The following SLC28A3 variants were observed in gnomAD, a reference collection of about 807,000 sequenced individuals.
SLC28A3 encodes concentrative Na(+)-nucleoside cotransporter 3.
A neutral mutation model predicts 84.2 loss-of-function variants in SLC28A3; 68 were observed. That is an observed-to-expected ratio of 0.81 (90% CI 0.66 to 0.99). The LOEUF (loss-of-function observed/expected upper bound fraction) is 0.99. Among genes scored for constraint, SLC28A3 ranks in the 50% least tolerant of loss-of-function variants. The pLI is 0.00. For synonymous variants in SLC28A3, 267 were observed against 303.6 expected, an observed-to-expected ratio of 0.88 and a Z score of 1.25; for missense variants, 712 against 841.5, an observed-to-expected ratio of 0.85 and a Z score of 1.90.
the SLC28A3 span, among the ~76,000 whole-genome samples, chr9:84,354,739 C>T: frequency 2.0e-5 from 3 of 151,534 alleles, no homozygotes; most frequent in Non-Finnish European, 4.4e-5. Context: ...CCCAGCTACT[C>T]GAAAGGCTGA....
intron 3 of SLC28A3, among the ~76,000 whole-genome samples, chr9:84,307,445 A>AAG (rs1554726630): frequency 1.4e-5 from 2 of 146,376 alleles, no homozygotes; most frequent in Non-Finnish European, 3.0e-5. Context: ...AAAAAAAAAA[A>AAG]CAAAAACAAA....
intron 1 of SLC28A3, among the ~76,000 whole-genome samples, chr9:84,319,547 A>G (rs1181696316): frequency 1.3e-5 from 2 of 152,074 alleles, no homozygotes; most frequent in Non-Finnish European, 2.9e-5. Flanking sequence ...AAAAGTCACA[A>G]ATGCAGAATT....
rs577105485 is a variant in SLC28A3 at position 84,340,168 on chromosome 9, A to G, written c.60+406T>C. ...CTGCTCTGGGGCAGGTACCGGGGCCATCTGACAGGGGCTCCAGGACTTGGC... is the reference window on the plus strand; with the variant it reads ...CTGCTCTGGGGCAGGTACCGGGGCCGTCTGACAGGGGCTCCAGGACTTGGC... On this transcript the variant is annotated intron_variant, in intron 1 of 17. Transcript: ENST00000376238. Among the ~76,000 whole-genome samples, 4 of 152,272 alleles carry G rather than the reference A, an allele frequency of 2.6e-5. No individual in the cohort carries two copies. In the South Asian group the frequency reaches 6.2e-4, roughly 24 times the overall value.
At chr9:84,329,264 T>C (rs1373365937) in intron 1 of SLC28A3, among the ~76,000 whole-genome samples, 3 of 152,204 alleles carry the variant, frequency 2.0e-5, no homozygotes, top group Admixed American at 6.5e-5. Flanking sequence ...AGACAGTTCA[T>C]CAATAGCTGG....
intron 15 of SLC28A3, 77 bp downstream of exon 15, chr9:84,280,724 A>T: frequency 6.9e-7 from 1 of 1,449,132 alleles, no homozygotes; most frequent in Non-Finnish European, 9.7e-7. Context: ...TTTCTGACAT[A>T]ACAGTACAGA....
At chr9:84,297,365 A>C in intron 7 of SLC28A3, 67 bp from the exon 8 acceptor site, 3 of 1,292,988 alleles carry the variant, frequency 2.3e-6, no homozygotes, top group Non-Finnish European at 3.3e-6. Flanking sequence ...AGTGCACAGG[A>C]ATGCTAGGCT....
intron 14 of SLC28A3, 96 bp from the exon 15 acceptor site, chr9:84,280,978 T>C (rs912912178): frequency 3.0e-5 from 35 of 1,159,024 alleles, no homozygotes; most frequent in Non-Finnish European, 4.3e-5. Flanking sequence ...AAATTCAATA[T>C]TGACAAATAA....
intron 1 of SLC28A3, among the ~76,000 whole-genome samples, chr9:84,314,309 G>A (rs1826093279): frequency 6.6e-6 from 1 of 152,128 alleles, no homozygotes; most frequent in South Asian, 2.1e-4. Context: ...GCTGTTTCCA[G>A]AAGTGACAAA....
intron 11 of SLC28A3, 50 bp downstream of exon 11, chr9:84,290,104 T>C (rs1262329435): frequency 5.0e-6 from 8 of 1,591,332 alleles, no homozygotes; most frequent in African/African-American, 4.1e-5. Context: ...GAAATAACAA[T>C]AATAAAGAAA....
chr9:84,360,701 T>C, the SLC28A3 span, among the ~76,000 whole-genome samples: 1 of 150,822 alleles, frequency 6.6e-6, no homozygotes, highest in Non-Finnish European at 1.5e-5. Context: ...GAGGATTGCT[T>C]GAACTCAGGA....
Position 84,309,396 on chromosome 9 carries a change from G to A in SLC28A3, c.242+233C>T, listed in dbSNP as rs543664971. On this transcript the variant is annotated intron_variant, in intron 3 of 17. Coordinates refer to ENST00000376238, the MANE Select transcript of SLC28A3 (RefSeq NM_001199633.2). ...AAATTAGCCAGGCGTGGTGGCATGC[G>A]CCTGTAGTCCCAGCTACTCGGGAGG... Among the ~76,000 whole-genome samples, 7 of 151,610 alleles carry A rather than the reference G, an allele frequency of 4.6e-5. No homozygotes were observed. In the South Asian group the frequency reaches 6.3e-4, roughly 14 times the overall value.
At chr9:84,291,766 T>C (rs146348263) in intron 10 of SLC28A3, among the ~76,000 whole-genome samples, 4 of 152,344 alleles carry the variant, frequency 2.6e-5, no homozygotes, top group African/African-American at 9.6e-5. Flanking sequence ...TGATTTTTGC[T>C]TCAAATTCAG....
chr9:84,285,936 A>T lies in SLC28A3; in HGVS notation c.1449+7T>A. Reference sequence around the variant, plus strand: ...AAACAGAGGGCAGGGGCGTGATGTGATTATACCTCAAAACTCAGCTGTGGG... The same window carrying T: ...AAACAGAGGGCAGGGGCGTGATGTGTTTATACCTCAAAACTCAGCTGTGGG... On this transcript the variant is annotated splice_region_variant and intron_variant, in intron 13 of 17. Coordinates refer to ENST00000376238, the MANE Select transcript of SLC28A3 (RefSeq NM_001199633.2). 1 of 1,612,282 alleles carries T rather than the reference A, an allele frequency of 6.2e-7. No individual in the cohort carries two copies. Among genetic ancestry groups the T allele is most frequent in the Non-Finnish European group, 8.5e-7 (1 of 1,178,922 alleles).
At chr9:84,336,786 C>T (rs1292382421) in intron 1 of SLC28A3, among the ~76,000 whole-genome samples, 2 of 152,222 alleles carry the variant, frequency 1.3e-5, no homozygotes, top group African/African-American at 4.8e-5. Context: ...TTTCCCTATA[C>T]CGTGTTCCCT....
chr9:84,339,613 T>C (rs1827090946), intron 1 of SLC28A3, among the ~76,000 whole-genome samples: 1 of 152,160 alleles, frequency 6.6e-6, no homozygotes, highest in African/African-American at 2.4e-5. Context: ...CTGTTTTATG[T>C]TGGTTTAATT....
intron 14 of SLC28A3, among the ~76,000 whole-genome samples, chr9:84,282,234 G>A (rs954754684): frequency 1.3e-5 from 2 of 151,874 alleles, no homozygotes; most frequent in African/African-American, 2.4e-5. Context: ...CTAGGTCTTC[G>A]GATGGGGATG....
upstream of SLC28A3, among the ~76,000 whole-genome samples, chr9:84,342,310 A>T (rs1338600050): frequency 6.6e-6 from 1 of 151,970 alleles, no homozygotes; most frequent in Non-Finnish European, 1.5e-5. Context: ...ACCTAAAGGA[A>T]AAAACGGAGA....
chr9:84,280,728 G>T, intron 15 of SLC28A3, 73 bp downstream of exon 15: 1 of 1,487,950 alleles, frequency 6.7e-7, no homozygotes, highest in Non-Finnish European at 9.3e-7. Flanking sequence ...TGACATAACA[G>T]TACAGAGCAA....
the SLC28A3 span, among the ~76,000 whole-genome samples, chr9:84,351,894 A>C: frequency 9.2e-5 from 14 of 151,752 alleles, no homozygotes; most frequent in East Asian, 1.9e-4. Context: ...AAAAAAAAAA[A>C]CATGTAAATG....
Sources: allele counts gnomAD v4.1 joint callset (sites outside exome capture counted in the v4.1 genomes callset), GRCh38; gene constraint gnomAD v4.1.1; transcripts MANE v1.5; gene names NCBI Gene and HGNC (gene_info 2026-07-23, HGNC 2026-07-21).